The following DLGAP2 variants were observed in gnomAD, a reference collection of about 807,000 sequenced individuals.
The protein encoded by DLGAP2 is DLG associated protein 2.
A neutral mutation model predicts 100.3 loss-of-function variants in DLGAP2; 26 were observed. That is an observed-to-expected ratio of 0.26 (90% confidence interval 0.19 to 0.36). DLGAP2 has a LOEUF of 0.36. DLGAP2 is among the 10% of genes least tolerant of loss of function. The pLI is 1.00. For synonymous variants in DLGAP2, 886 were observed against 630.1 expected (o/e 1.41, Z -6.08); for missense variants, 1,858 against 1,453.2 (o/e 1.28, Z -4.53).
At chr8:1,677,739 A>G (rs540718541) in intron 11 of DLGAP2, among the ~76,000 whole-genome samples, 1 of 152,246 alleles carries the variant, frequency 6.6e-6, no homozygotes, top group African/African-American at 2.4e-5. Flanking sequence ...ATTATTTTGC[A>G]TACAGGGGTT....
intron 1 of DLGAP2, among the ~76,000 whole-genome samples, chr8:784,400 A>C (rs1198507910): frequency 6.6e-6 from 1 of 152,212 alleles, no homozygotes; most frequent in Non-Finnish European, 1.5e-5. Context: ...TTTAAGCTTA[A>C]ATATATGTTA....
chr8:891,070 C>G (rs1798024409), intron 1 of DLGAP2, among the ~76,000 whole-genome samples: 1 of 152,144 alleles, frequency 6.6e-6, no homozygotes. Context: ...CCTCTTCTGG[C>G]TCCCCCTCCC....
At chr8:1,622,862 G>A (rs1338924888) in intron 6 of DLGAP2, among the ~76,000 whole-genome samples, 1 of 152,202 alleles carries the variant, frequency 6.6e-6, no homozygotes, top group Admixed American at 6.5e-5. Context: ...GGATGTAGGA[G>A]GGGGATTTTC....
chr8:814,597 A>G (rs1018959831), intron 1 of DLGAP2, among the ~76,000 whole-genome samples: 7 of 152,034 alleles, frequency 4.6e-5, no homozygotes, highest in South Asian at 4.2e-4. Flanking sequence ...TAGAAATACT[A>G]TGAACGTTGG....
intron 2 of DLGAP2, among the ~76,000 whole-genome samples, chr8:1,156,668 T>C (rs1348235571): frequency 2.0e-4 from 5 of 24,548 alleles, no homozygotes; most frequent in East Asian, 1.9e-3. Flanking sequence ...GCGCCCCAGC[T>C]TAGCGTCCCA....
chr8:1,479,898 C>T (rs905653100), intron 3 of DLGAP2, among the ~76,000 whole-genome samples: 6 of 152,180 alleles, frequency 3.9e-5, no homozygotes, highest in Admixed American at 1.3e-4. Context: ...CGGTGGGATT[C>T]ATTGTGAAAG....
rs942846376 is a variant in DLGAP2, at chr8:1,279,345, C to G, written c.106+20462C>G. Among the ~76,000 whole-genome samples, 15 of 152,298 alleles carry G rather than the reference C, an allele frequency of 9.8e-5. No homozygotes were observed. In the South Asian group the frequency reaches 1.0e-3, roughly 11 times the overall value. On this transcript the variant is annotated intron_variant, in intron 3 of 14. Transcript: ENST00000637795. Reference sequence around the variant, plus strand: ...ATAATTGCCTGCCATGAATGAAGCTCTGTTTGGCACTTTATGTAAATATGT... The same window carrying G: ...ATAATTGCCTGCCATGAATGAAGCTGTGTTTGGCACTTTATGTAAATATGT...
At chr8:891,645 G>A (rs1054788301) in intron 1 of DLGAP2, 2 of 152,506 alleles carry the variant, frequency 1.3e-5, no homozygotes, top group Non-Finnish European at 2.9e-5. Flanking sequence ...GTAGAGGATG[G>A]GTGGTGTGGA....
chr8:1,371,163 G>T (rs117076071), intron 3 of DLGAP2, among the ~76,000 whole-genome samples: 4 of 152,222 alleles, frequency 2.6e-5, no homozygotes, highest in African/African-American at 9.6e-5. Flanking sequence ...AGTAAGACAC[G>T]TCTTTCTTTT....
chr8:1,155,925 C>T (rs1293792825), intron 2 of DLGAP2, among the ~76,000 whole-genome samples: 2 of 152,200 alleles, frequency 1.3e-5, no homozygotes, highest in African/African-American at 4.8e-5. Flanking sequence ...GCCGAGGGAG[C>T]TTCGGGGCTC....
chr8:1,273,927 A>G (rs1259498795), intron 3 of DLGAP2, among the ~76,000 whole-genome samples: 4 of 152,200 alleles, frequency 2.6e-5, no homozygotes, highest in African/African-American at 7.2e-5. Flanking sequence ...ACTCTGGACA[A>G]TAAGGTGTGT....
At chr8:1,062,247 A>G (rs1237765662) in intron 2 of DLGAP2, among the ~76,000 whole-genome samples, 1 of 152,094 alleles carries the variant, frequency 6.6e-6, no homozygotes, top group African/African-American at 2.4e-5. Context: ...GCTTGACTAT[A>G]TGGGCCATGC....
chr8:977,329 C>A (rs796520259), intron 2 of DLGAP2, among the ~76,000 whole-genome samples: 30 of 152,338 alleles, frequency 2.0e-4, no homozygotes, highest in African/African-American at 7.2e-4. Context: ...GTTCTTCTGA[C>A]AGCTGAGGTG....
intron 1 of DLGAP2, among the ~76,000 whole-genome samples, chr8:891,989 T>C (rs923152182): frequency 6.6e-6 from 1 of 152,214 alleles, no homozygotes; most frequent in South Asian, 2.1e-4. Flanking sequence ...TAAGTGTGCA[T>C]GAGTCAGTGC....
intron 3 of DLGAP2, among the ~76,000 whole-genome samples, chr8:1,421,229 TGA>T (rs1797079082): frequency 6.6e-6 from 1 of 152,232 alleles, no homozygotes; most frequent in African/African-American, 2.4e-5. Context: ...GTTGTGTGTG[TGA>T]GAGCTGCTGT....
intron 3 of DLGAP2, among the ~76,000 whole-genome samples, chr8:1,272,506 A>G (rs1390169816): frequency 6.6e-6 from 1 of 152,074 alleles, no homozygotes; most frequent in Non-Finnish European, 1.5e-5. Flanking sequence ...TTTATATAGA[A>G]TATATATTCA....
chr8:1,324,157 A>G (rs1033050807), intron 3 of DLGAP2, among the ~76,000 whole-genome samples: 51 of 152,206 alleles, frequency 3.4e-4, no homozygotes, highest in African/African-American at 1.1e-3. Context: ...TGTATTTTGA[A>G]TATGGACTGT....
At chr8:1,117,874 T>G (rs962884335) in intron 2 of DLGAP2, among the ~76,000 whole-genome samples, 38 of 152,166 alleles carry the variant, frequency 2.5e-4, no homozygotes, top group African/African-American at 8.9e-4. Flanking sequence ...TTGAAAGTTT[T>G]TTTTTTTCCT....
chr8:742,673 CT>C (rs796502502), intron 1 of DLGAP2, among the ~76,000 whole-genome samples: 282 of 144,990 alleles, frequency 1.9e-3, no homozygotes, highest in Middle Eastern at 7.0e-3. Context: ...CTAATTTTTA[CT>C]TTTTTTTTTT....
Sources: allele counts gnomAD v4.1 joint callset (sites outside exome capture counted in the v4.1 genomes callset), GRCh38; gene constraint gnomAD v4.1.1; transcripts MANE v1.5; gene names NCBI Gene and HGNC (gene_info 2026-07-23, HGNC 2026-07-21).